The following VWA3B variants were observed in gnomAD, a reference collection of about 807,000 sequenced individuals.
VWA3B encodes the protein von Willebrand factor A domain-containing protein 3B.
A neutral mutation model predicts 158.3 loss-of-function variants in VWA3B; 138 were observed. The ratio of observed to expected loss-of-function variants is 0.87; its 90% CI spans 0.76 to 1.00. The LOEUF (loss-of-function observed/expected upper bound fraction) is 1.00, where lower values mean the gene tolerates loss of function less well. VWA3B is among the 50% of genes least tolerant of loss of function. The probability of loss-of-function intolerance (pLI) is 0.00; values close to 1 mark genes in which losing one functional copy is unlikely to be tolerated. For synonymous variants in VWA3B, 596 were observed against 587.3 expected (o/e 1.01, Z -0.21); for missense variants, 1,555 against 1,565.1 (o/e 0.99, Z 0.11).
chr2:98,288,795 T>C (rs1039893550), intron 22 of VWA3B, among the ~76,000 whole-genome samples: 2 of 152,204 alleles, frequency 1.3e-5, no homozygotes, highest in African/African-American at 4.8e-5. Context: ...TTAATATACA[T>C]AAGCCTCTAC....
chr2:98,307,951 C>G (rs1485453371), intron 26 of VWA3B, among the ~76,000 whole-genome samples: 1 of 152,308 alleles, frequency 6.6e-6, no homozygotes, highest in Non-Finnish European at 1.5e-5. Context: ...CTCCAGGTCT[C>G]TCTTCTGGCT....
At chr2:98,087,884 T>A (rs1681976045) in intron 1 of VWA3B, among the ~76,000 whole-genome samples, 1 of 152,248 alleles carries the variant, frequency 6.6e-6, no homozygotes. Flanking sequence ...TTGGTAGAGC[T>A]TTTCCTTTCA....
intron 21 of VWA3B, among the ~76,000 whole-genome samples, chr2:98,257,941 C>G (rs975806149): frequency 1.3e-5 from 2 of 151,856 alleles, no homozygotes; most frequent in Non-Finnish European, 2.9e-5. Context: ...AATACAAAAT[C>G]ATGAGCATTT....
chr2:98,109,112 C>G (rs928149657), intron 2 of VWA3B, among the ~76,000 whole-genome samples: 1 of 151,788 alleles, frequency 6.6e-6, no homozygotes, highest in Non-Finnish European at 1.5e-5. Flanking sequence ...CCTGCCTCAG[C>G]CTTCCGAGTA....
chr2:98,104,422 G>C (rs1048231282), intron 2 of VWA3B, among the ~76,000 whole-genome samples: 8 of 152,148 alleles, frequency 5.3e-5, no homozygotes, highest in Non-Finnish European at 8.8e-5. Context: ...AGACAGAGCG[G>C]AAGAGGGACC....
chr2:98,260,135 T>C lies in VWA3B; in HGVS notation c.2843+3961T>C, dbSNP rs901571206. Among the ~76,000 whole-genome samples, 11 of 151,796 alleles carry C rather than the reference T, an allele frequency of 7.2e-5. No individual in the cohort carries two copies. In the South Asian group the frequency reaches 1.0e-3, roughly 14 times the overall value. ...CATTTAAATATCTTGAGAATTGCTA[T>C]GGTTAACATATGGTCTATCCCAGAA... On this transcript the variant is annotated intron_variant, in intron 21 of 27. Coordinates refer to ENST00000477737, the MANE Select transcript of VWA3B (RefSeq NM_144992.5).
chr2:98,312,176 T>C (rs866921257), intron 27 of VWA3B, 24 bp from the exon 28 acceptor site: 2 of 1,614,168 alleles, frequency 1.2e-6, no homozygotes, highest in Non-Finnish European at 1.7e-6. Flanking sequence ...CATCCTTAAG[T>C]AATGCTGAAC....
At chr2:98,152,107 T>C (rs1335295522) in intron 7 of VWA3B, among the ~76,000 whole-genome samples, 3 of 152,138 alleles carry the variant, frequency 2.0e-5, no homozygotes, top group South Asian at 4.1e-4. Flanking sequence ...ATCCTAGGAG[T>C]AGGCCGCAGG....
intron 14 of VWA3B, among the ~76,000 whole-genome samples, chr2:98,221,112 A>G (rs1684464392): frequency 6.6e-6 from 1 of 151,582 alleles, no homozygotes; most frequent in Non-Finnish European, 1.5e-5. Context: ...TTCTGCACAT[A>G]TATCCTGGAA....
At chr2:98,324,631 A>G in the VWA3B span, among the ~76,000 whole-genome samples, 98 of 152,340 alleles carry the variant, frequency 6.4e-4, 2 homozygotes, top group South Asian at 0.018. Context: ...GAGGAATGTA[A>G]CAGAATTCAG....
At chr2:98,115,966 T>C (rs1674502125) in intron 3 of VWA3B, among the ~76,000 whole-genome samples, 1 of 152,120 alleles carries the variant, frequency 6.6e-6, no homozygotes, top group Non-Finnish European at 1.5e-5. Context: ...AAACTCTTGA[T>C]GAGAGATGAA....
At chr2:98,116,759 G>T (rs1341449091) in intron 3 of VWA3B, among the ~76,000 whole-genome samples, 1 of 152,162 alleles carries the variant, frequency 6.6e-6, no homozygotes, top group Non-Finnish European at 1.5e-5. Flanking sequence ...GCCTGCCTGG[G>T]CCTCCCATCT....
chr2:98,278,254 G>T lies in VWA3B; in HGVS notation c.3045+7371G>T, dbSNP rs199543057. On this transcript the variant is annotated intron_variant, in intron 22 of 27. Coordinates refer to ENST00000477737, the MANE Select transcript of VWA3B (RefSeq NM_144992.5). ...GGAGAGGGAGCACGCAGGTGAGTGG[G>T]TGCAGGGGCCAAGATGAGTACTTCT... Among the ~76,000 whole-genome samples, 66 of 152,320 alleles carry T rather than the reference G, an allele frequency of 4.3e-4. 1 individual carries two copies. The East Asian group carries it at 0.01, about 24-fold the overall frequency.
chr2:98,304,530 C>T (rs756971391), intron 26 of VWA3B, among the ~76,000 whole-genome samples: 4 of 152,164 alleles, frequency 2.6e-5, no homozygotes, highest in Non-Finnish European at 5.9e-5. Context: ...TCCTAATGGC[C>T]TTACCTTCTA....
chr2:98,207,604 A>G, intron 12 of VWA3B: 1 of 497,108 alleles, frequency 2.0e-6, no homozygotes, highest in Non-Finnish European at 4.0e-6. Context: ...CCTGAAGGAG[A>G]CCATTAAAGG....
At position 98,250,323 on chromosome 2, in the gene VWA3B, C is replaced by T; in HGVS notation, c.2679C>T (p.Phe893=). ...HVVSKVFDEV[F]PLAHVCNDTN... is the part of the protein sequence containing the mutation. The stretch of plus-strand genomic sequence containing the variant: ...CCTTTGCCATTGACATGCAGGTGTT[C>T]CCTCTGGCACATGTGTGCAACGACA... Residue 893 remains phenylalanine (F), a synonymous_variant, in exon 20 of 28, where the codon TTC becomes TTT. Coordinates refer to ENST00000477737, the MANE Select transcript of VWA3B (RefSeq NM_144992.5). The T allele has an allele frequency of 6.2e-7, 1 of 1,609,990 alleles. No individual in the cohort carries two copies. Among genetic ancestry groups the T allele is most frequent in the Admixed American group, 1.7e-5 (1 of 58,988 alleles).
At chr2:98,160,635 A>G (rs544243851) in intron 7 of VWA3B, among the ~76,000 whole-genome samples, 1 of 152,274 alleles carries the variant, frequency 6.6e-6, no homozygotes, top group African/African-American at 2.4e-5. Flanking sequence ...CTCATTTGAA[A>G]CTTTTAAGAG....
chr2:98,089,295 T>G (rs1356928398), intron 1 of VWA3B, among the ~76,000 whole-genome samples: 1 of 152,082 alleles, frequency 6.6e-6, no homozygotes, highest in Admixed American at 6.5e-5. Context: ...TGTCTTTAAG[T>G]CTAGTGAGGA....
Position 98,187,835 on chromosome 2 carries a change from G to C in VWA3B, c.1312-140G>C, listed in dbSNP as rs147843682. On this transcript the variant is annotated intron_variant, in intron 9 of 27. Coordinates refer to ENST00000477737, the MANE Select transcript of VWA3B (RefSeq NM_144992.5). ...AGGAAGCGGGCAGCGGAACATATTTGGTTGAACTAACAAAGGAATGATTGA... is the reference window on the plus strand; with the variant it reads ...AGGAAGCGGGCAGCGGAACATATTTCGTTGAACTAACAAAGGAATGATTGA... The C allele has an allele frequency of 1.1e-4, 92 of 863,208 alleles. No individual in the cohort carries two copies. In the Middle Eastern group the frequency reaches 1.4e-3, roughly 13 times the overall value. The allele number at this position is 863,208 out of a possible 1,614,324, so 53.5% of individuals were successfully genotyped here. A position where few individuals can be genotyped will look rare whatever the true frequency, so the allele number is the denominator to read the frequency against.
Sources: allele counts gnomAD v4.1 joint callset (sites outside exome capture counted in the v4.1 genomes callset), GRCh38; gene constraint gnomAD v4.1.1; transcripts MANE v1.5; gene names NCBI Gene and HGNC (gene_info 2026-07-23, HGNC 2026-07-21).